Variants in CCDC178 observed in about 807,000 individuals in gnomAD.
The protein encoded by CCDC178 is coiled-coil domain containing 178.
In CCDC178, 126 loss-of-function variants were observed where a neutral mutation model predicts 117.4. That is an observed-to-expected ratio of 1.07 (90% CI 0.93 to 1.24). The LOEUF (loss-of-function observed/expected upper bound fraction) is 1.24, where lower values mean the gene tolerates loss of function less well. CCDC178 is among the 50% of genes most tolerant of loss of function. CCDC178 has a pLI of 0.00. For missense variants in CCDC178, 1,030 were observed against 986.9 expected, an observed-to-expected ratio of 1.04 and a Z score of -0.59; for synonymous variants, 283 against 313.4, an observed-to-expected ratio of 0.90 and a Z score of 1.02.
intron 21 of CCDC178, among the ~76,000 whole-genome samples, chr18:33,012,568 A>C (rs1435549789): frequency 1.3e-5 from 2 of 152,198 alleles, no homozygotes; most frequent in Admixed American, 6.5e-5. Flanking sequence ...AATCCAGTCC[A>C]TGCAGTGCCT....
intron 21 of CCDC178, among the ~76,000 whole-genome samples, chr18:33,032,580 T>C (rs554218907): frequency 6.6e-6 from 1 of 152,200 alleles, no homozygotes; most frequent in Non-Finnish European, 1.5e-5. Flanking sequence ...AATGCTACTA[T>C]AGGTGCTAGT....
intron 20 of CCDC178, among the ~76,000 whole-genome samples, chr18:33,116,300 T>C (rs191397746): frequency 6.6e-6 from 1 of 152,256 alleles, no homozygotes; most frequent in East Asian, 1.9e-4. Flanking sequence ...AAAACCAAGG[T>C]TCCAAAGAGT....
chr18:33,196,681 T>C (rs2058934586), intron 20 of CCDC178, among the ~76,000 whole-genome samples: 1 of 152,112 alleles, frequency 6.6e-6, no homozygotes, highest in African/African-American at 2.4e-5. Context: ...AGCATACGAA[T>C]ATCTTTAAAC....
At position 32,938,026 on chromosome 18, in the gene CCDC178, G is replaced by T; in HGVS notation, c.2589C>A (p.Cys863Ter). The change falls in exon 23 of 23, where the codon TGC becomes TGA. Residue 863 changes from cysteine to a stop codon, truncating the protein, a stop_gained. Transcript: ENST00000383096. LOFTEE classifies it high-confidence loss of function. ...GFFQTLTDGT[C>*]ENDG ...GGTTGTTTGCTTAACCATCGTTTTC[G>T]CATGTGCCATCTGTCAAAGTCTGGA... The T allele has an allele frequency of 1.9e-6, 3 of 1,612,458 alleles. No individual in the cohort carries two copies. Among genetic ancestry groups the T allele is most frequent in the Non-Finnish European group, 2.5e-6 (3 of 1,178,750 alleles).
rs371802054 is a variant in CCDC178 at position 33,084,152 on chromosome 18, T to C, written c.2388+8609A>G. Among the ~76,000 whole-genome samples, 46 of 152,198 alleles carry C rather than the reference T, an allele frequency of 3.0e-4. No homozygotes were observed. The East Asian group carries it at 6.6e-3, about 22-fold the overall frequency. Reference sequence around the variant, plus strand: ...GTTACAACATGTTCTTGTAGCTTTATTGTTTGTTTCAGGACAAGTTAGAAC... The same window carrying C: ...GTTACAACATGTTCTTGTAGCTTTACTGTTTGTTTCAGGACAAGTTAGAAC... On this transcript the variant is annotated intron_variant, in intron 21 of 22. Coordinates refer to ENST00000383096, the MANE Select transcript of CCDC178 (RefSeq NM_001105528.4).
At chr18:33,373,216 T>C (rs563002551) in intron 5 of CCDC178, among the ~76,000 whole-genome samples, 1 of 152,256 alleles carries the variant, frequency 6.6e-6, no homozygotes, top group South Asian at 2.1e-4. Flanking sequence ...TGGAGACACT[T>C]ATCACTAAAT....
intron 8 of CCDC178, among the ~76,000 whole-genome samples, chr18:33,348,233 C>G (rs909620720): frequency 6.6e-6 from 1 of 151,796 alleles, no homozygotes; most frequent in African/African-American, 2.4e-5. Context: ...GAGTTTATTA[C>G]TTAGTTTTCA....
chr18:33,269,066 A>T (rs986190147), intron 12 of CCDC178, among the ~76,000 whole-genome samples: 1 of 151,738 alleles, frequency 6.6e-6, no homozygotes, highest in Non-Finnish European at 1.5e-5. Flanking sequence ...TCTCAAAAAA[A>T]TTGTCTTTAT....
intron 15 of CCDC178, among the ~76,000 whole-genome samples, chr18:33,243,214 A>G (rs1295086953): frequency 6.6e-6 from 1 of 151,930 alleles, no homozygotes; most frequent in Non-Finnish European, 1.5e-5. Context: ...ATCTCACAAA[A>G]GTAAAAAGTA....
chr18:33,111,522 G>A (rs2057782954), intron 20 of CCDC178, among the ~76,000 whole-genome samples: 3 of 151,488 alleles, frequency 2.0e-5, no homozygotes, highest in Admixed American at 6.6e-5. Context: ...AATTTTAAAG[G>A]CTGGAAATTG....
chr18:33,106,282 T>C (rs2057703390), intron 20 of CCDC178, among the ~76,000 whole-genome samples: 1 of 151,610 alleles, frequency 6.6e-6, no homozygotes, highest in Admixed American at 6.6e-5. Flanking sequence ...AGTTTCCTCC[T>C]TTCAATTTTC....
chr18:33,331,304 G>T (rs2062665402), intron 10 of CCDC178, among the ~76,000 whole-genome samples: 1 of 151,970 alleles, frequency 6.6e-6, no homozygotes, highest in Non-Finnish European at 1.5e-5. Context: ...CAAATAAGTT[G>T]CTTAAACAAG....
rs545589197 is a variant in CCDC178 at position 33,038,624 on chromosome 18, T to C, written c.2388+54137A>G. ...GGTAGTGAAGACTTGAAGAATCTCT[T>C]CTACTACATTTACAGAAAAAATAGC... On this transcript the variant is annotated intron_variant, in intron 21 of 22. Coordinates refer to ENST00000383096, the MANE Select transcript of CCDC178 (RefSeq NM_001105528.4). Among the ~76,000 whole-genome samples, 34 of 152,076 alleles carry C rather than the reference T, an allele frequency of 2.2e-4. 1 individual carries two copies. In the South Asian group the frequency reaches 6.8e-3, roughly 31 times the overall value.
chr18:33,269,023 T>G (rs2059854508), intron 12 of CCDC178, among the ~76,000 whole-genome samples: 1 of 151,692 alleles, frequency 6.6e-6, no homozygotes, highest in Non-Finnish European at 1.5e-5. Flanking sequence ...CCAGAGAGAG[T>G]AGAATCAGGC....
chr18:32,980,494 C>T lies in CCDC178; in HGVS notation c.2389-5813G>A, dbSNP rs1473890408. Among the ~76,000 whole-genome samples the T allele has an allele frequency of 9.5e-5, 14 of 147,530 alleles. No individual in the cohort carries two copies. The Admixed American group carries it at 9.7e-4, about 10-fold the overall frequency. The stretch of plus-strand genomic sequence containing the variant: ...GCTGAAGCAGGAGAATGGCGTGAAC[C>T]CGGAAGGCGGAGCTTGCAGTGAGCG... On this transcript the variant is annotated intron_variant, in intron 21 of 22. Coordinates refer to ENST00000383096, the MANE Select transcript of CCDC178 (RefSeq NM_001105528.4).
At chr18:32,979,601 AG>A (rs1233745457) in intron 21 of CCDC178, among the ~76,000 whole-genome samples, 1 of 152,252 alleles carries the variant, frequency 6.6e-6, no homozygotes, top group Non-Finnish European at 1.5e-5. Flanking sequence ...AATATTTTGA[AG>A]AATAAAGACT....
intron 21 of CCDC178, among the ~76,000 whole-genome samples, chr18:33,065,659 A>C (rs918813598): frequency 9.9e-5 from 15 of 152,162 alleles, no homozygotes; most frequent in African/African-American, 3.4e-4. Flanking sequence ...CAATGAGACA[A>C]AGACAAAGAG....
intron 21 of CCDC178, among the ~76,000 whole-genome samples, chr18:33,001,069 G>A (rs1236782049): frequency 6.6e-6 from 1 of 151,980 alleles, no homozygotes; most frequent in Non-Finnish European, 1.5e-5. Flanking sequence ...TAATAGGTGG[G>A]GTAAATAAAT....
chr18:33,266,832 C>G, intron 14 of CCDC178, 84 bp downstream of exon 14: 1 of 1,278,470 alleles, frequency 7.8e-7, no homozygotes, highest in African/African-American at 1.5e-5. Context: ...CACCATATAA[C>G]TCCAGGGACA....
Sources: allele counts gnomAD v4.1 joint callset (sites outside exome capture counted in the v4.1 genomes callset), GRCh38; gene constraint gnomAD v4.1.1; transcripts MANE v1.5; gene names NCBI Gene and HGNC (gene_info 2026-07-23, HGNC 2026-07-21).